The following CD2AP variants were observed in gnomAD, a reference collection of about 807,000 sequenced individuals.
CD2AP encodes the protein CD2 associated protein.
CD2AP carries 46 observed loss-of-function variants against 85.1 expected under a neutral mutation model. The ratio of observed to expected loss-of-function variants is 0.54; its 90% CI spans 0.43 to 0.69. The LOEUF (loss-of-function observed/expected upper bound fraction) is 0.69. CD2AP is among the 30% of genes least tolerant of loss of function. The pLI, the probability that CD2AP is intolerant of heterozygous loss-of-function variation, is 0.00. For synonymous variants in CD2AP, 255 were observed against 252.9 expected, an observed-to-expected ratio of 1.01 and a Z score of -0.08; for missense variants, 769 against 729.5, an observed-to-expected ratio of 1.05 and a Z score of -0.62.
intron 2 of CD2AP, among the ~76,000 whole-genome samples, chr6:47,509,408 GAC>G (rs1766259628): frequency 6.6e-6 from 1 of 150,406 alleles, no homozygotes; most frequent in Admixed American, 6.6e-5. Flanking sequence ...GGGCTTGCTT[GAC>G]ACAGTGTTGC....
Position 47,626,891 on chromosome 6 carries a change from A to G in CD2AP, c.*2664A>G, listed in dbSNP as rs1260771620. 2.0e-5 allele frequency: 3 copies of G among 152,512 alleles called. No homozygotes were observed. The highest frequency in any genetic ancestry group is 7.2e-5 in the African/African-American group (3 of 41,440). 9.4% of individuals were successfully genotyped at this position (152,512 alleles called of 1,614,324 possible). On this transcript the variant is annotated 3_prime_UTR_variant, in exon 18 of 18. Coordinates refer to ENST00000359314, the MANE Select transcript of CD2AP (RefSeq NM_012120.3). Reference sequence around the variant, plus strand: ...TGTAGCAATAAAATGACCAAGTGCAATGACTTGATTTAATAAAATCATATT... The same window carrying G: ...TGTAGCAATAAAATGACCAAGTGCAGTGACTTGATTTAATAAAATCATATT...
intron 2 of CD2AP, among the ~76,000 whole-genome samples, chr6:47,517,314 A>G (rs953827004): frequency 6.9e-6 from 1 of 144,738 alleles, no homozygotes; most frequent in African/African-American, 2.6e-5. Flanking sequence ...GCGGTTTCTT[A>G]CTCTGTCACC....
intron 17 of CD2AP, among the ~76,000 whole-genome samples, chr6:47,618,625 T>G (rs1769662472): frequency 6.6e-6 from 1 of 152,214 alleles, no homozygotes; most frequent in Admixed American, 6.5e-5. Context: ...GTTTTTTGAC[T>G]TTTTTCTTAC....
chr6:47,583,796 A>G (rs1006166095), intron 11 of CD2AP, among the ~76,000 whole-genome samples: 3 of 152,190 alleles, frequency 2.0e-5, no homozygotes, highest in African/African-American at 7.2e-5. Context: ...GGATTACCTG[A>G]TAATATGGCA....
At chr6:47,597,457 G>A (rs1768982988) in intron 12 of CD2AP, among the ~76,000 whole-genome samples, 1 of 150,800 alleles carries the variant, frequency 6.6e-6, no homozygotes, top group Non-Finnish European at 1.5e-5. Context: ...AGCTAATCAT[G>A]ACCTGAGGCC....
intron 17 of CD2AP, among the ~76,000 whole-genome samples, chr6:47,615,931 C>CA (rs1376943257): frequency 6.6e-6 from 1 of 151,318 alleles, no homozygotes; most frequent in Non-Finnish European, 1.5e-5. Flanking sequence ...AGGCGCCCGC[C>CA]ACCACACCCG....
intron 5 of CD2AP, among the ~76,000 whole-genome samples, chr6:47,566,323 T>TATATATATATATATATATATATACACAC: frequency 0.011 from 1,178 of 107,436 alleles, 25 homozygotes; most frequent in Middle Eastern, 0.022. Context: ...TATATATATA[T>TATATATATATATATATATATATACACAC]ACACATACAC....
At chr6:47,566,323 T>TATATATATATATAC in intron 5 of CD2AP, among the ~76,000 whole-genome samples, 4 of 108,388 alleles carry the variant, frequency 3.7e-5, no homozygotes, top group African/African-American at 1.2e-4. Flanking sequence ...TATATATATA[T>TATATATATATATAC]ACACATACAC....
At chr6:47,501,372 G>A (rs1765992743) in intron 1 of CD2AP, among the ~76,000 whole-genome samples, 1 of 152,188 alleles carries the variant, frequency 6.6e-6, no homozygotes, top group Non-Finnish European at 1.5e-5. Context: ...CCTGGCACCT[G>A]CTCAACTGTA....
intron 1 of CD2AP, 39 bp from the exon 2 acceptor site, chr6:47,503,241 A>T (rs941934411): frequency 2.7e-5 from 43 of 1,577,134 alleles, no homozygotes; most frequent in Non-Finnish European, 3.5e-5. Context: ...TATTTTGTGA[A>T]TTAGATTTTA....
intron 3 of CD2AP, 93 bp from the exon 4 acceptor site, chr6:47,544,513 A>ATTTTATAAGTTTTTATTTTATTT (rs1478101680): frequency 2.4e-6 from 2 of 821,078 alleles, no homozygotes; most frequent in African/African-American, 3.4e-5. Flanking sequence ...TTATTTATTT[A>ATTTTATAAGTTTTTATTTTATTT]TATAAGTCCT....
chr6:47,527,722 A>T lies in CD2AP; in HGVS notation c.166-5880A>T, dbSNP rs137904732. 4.6e-5 allele frequency among the ~76,000 whole-genome samples: 7 copies of T among 152,268 alleles called. No individual in the cohort carries two copies. The East Asian group carries it at 1.4e-3, about 29-fold the overall frequency. On this transcript the variant is annotated intron_variant, in intron 2 of 17. Coordinates refer to ENST00000359314, the MANE Select transcript of CD2AP (RefSeq NM_012120.3). ...GAAGCTGCTTGGAGTACGTTGAGTG[A>T]TACCTGCAGATTAGTTGTTTGTCCC...
intron 5 of CD2AP, chr6:47,562,876 T>C: frequency 1.3e-6 from 1 of 774,326 alleles, no homozygotes; most frequent in South Asian, 1.4e-5. Context: ...CAAGCAACTG[T>C]AGGGGAATGG....
Position 47,625,529 on chromosome 6 carries a change from ACAC to A in CD2AP, c.*1303_*1305del, listed in dbSNP as rs1426564070. ...GTTCTGTCTGTAGGTAACATCTAAA[ACAC>A]AAGTGGGTTTATTTAAATTTTTAAA... On this transcript the variant is annotated 3_prime_UTR_variant, in exon 18 of 18. Coordinates refer to ENST00000359314, the MANE Select transcript of CD2AP (RefSeq NM_012120.3). The A allele has an allele frequency of 6.6e-6, 1 of 151,902 alleles. No individual in the cohort carries two copies. The highest frequency in any genetic ancestry group is 1.5e-5 in the Non-Finnish European group (1 of 67,774). 9.4% of individuals were successfully genotyped at this position (151,902 alleles called of 1,614,324 possible). A position where few individuals can be genotyped will look rare whatever the true frequency, so the allele number is the denominator to read the frequency against.
chr6:47,553,059 G>C (rs913667187), intron 4 of CD2AP, among the ~76,000 whole-genome samples: 10 of 151,282 alleles, frequency 6.6e-5, no homozygotes, highest in Admixed American at 5.9e-4. Flanking sequence ...GTTAGTTATA[G>C]TACCTCTTAA....
chr6:47,488,591 C>A (rs1311362024), intron 1 of CD2AP, among the ~76,000 whole-genome samples: 1 of 151,936 alleles, frequency 6.6e-6, no homozygotes, highest in East Asian at 1.9e-4. Context: ...ATTTATATAA[C>A]ATTTCAGTTT....
chr6:47,548,199 A>G (rs927008604), intron 4 of CD2AP, among the ~76,000 whole-genome samples: 1 of 152,214 alleles, frequency 6.6e-6, no homozygotes, highest in Admixed American at 6.5e-5. Context: ...GAAATAACCA[A>G]GATCAGAGCA....
At chr6:47,479,361 G>C (rs1283203494) in intron 1 of CD2AP, among the ~76,000 whole-genome samples, 1 of 152,168 alleles carries the variant, frequency 6.6e-6, no homozygotes, top group African/African-American at 2.4e-5. Context: ...GGCACCCTCT[G>C]TCCACACTTT....
At chr6:47,516,957 C>T (rs1432945863) in intron 2 of CD2AP, among the ~76,000 whole-genome samples, 1 of 152,080 alleles carries the variant, frequency 6.6e-6, no homozygotes, top group Non-Finnish European at 1.5e-5. Flanking sequence ...GTAGTTGTCC[C>T]CTCCAAATCT....
Sources: gnomAD v4.1 joint callset for allele counts (sites outside exome capture counted in the v4.1 genomes callset) on GRCh38, gnomAD v4.1.1 for gene constraint, MANE v1.5 for transcripts, NCBI Gene and HGNC (gene_info 2026-07-23, HGNC 2026-07-21) for gene names.